GPHN: variants seen among roughly 807,000 people sequenced by gnomAD.
GPHN encodes gephyrin.
GPHN carries 17 observed loss-of-function variants against 95.5 expected under a neutral mutation model. The observed-to-expected ratio is 0.18, with a 90% CI of 0.12 to 0.27. The LOEUF is 0.27. Ranked by LOEUF, GPHN falls within the 10% of genes least tolerant of loss-of-function variation. The probability of loss-of-function intolerance (pLI) is 1.00; values close to 1 mark genes in which losing one functional copy is unlikely to be tolerated. For missense variants in GPHN, 660 were observed against 978.1 expected (o/e 0.67, Z 4.34); for synonymous variants, 320 against 322.5 (o/e 0.99, Z 0.08).
At chr14:66,739,868 G>A (rs1408950192) in intron 2 of GPHN, among the ~76,000 whole-genome samples, 1 of 151,608 alleles carries the variant, frequency 6.6e-6, no homozygotes, top group Non-Finnish European at 1.5e-5. Context: ...AAACTAAAAA[G>A]CAAAAGCCTA....
the GPHN span, chr14:67,574,162 C>A: frequency 7.6e-7 from 1 of 1,309,280 alleles, no homozygotes; most frequent in South Asian, 1.5e-5. The surrounding 1 kb of genome is among the most constrained non-coding windows in gnomAD (Gnocchi z 4.2). Context: ...GGTTCAGGGA[C>A]AGGTGCCACC....
chr14:66,723,738 T>C (rs983714132), intron 2 of GPHN, among the ~76,000 whole-genome samples: 1 of 152,190 alleles, frequency 6.6e-6, no homozygotes, highest in Non-Finnish European at 1.5e-5. Flanking sequence ...TTATGTTTAA[T>C]GCTGACAACT....
At chr14:67,118,930 A>G (rs2078856536) in intron 16 of GPHN, among the ~76,000 whole-genome samples, 1 of 152,214 alleles carries the variant, frequency 6.6e-6, no homozygotes, top group South Asian at 2.1e-4. Context: ...ACAGAGTCTC[A>G]GTGGTGTTTC....
At chr14:66,919,747 G>T (rs192410453) in intron 6 of GPHN, among the ~76,000 whole-genome samples, 21 of 152,104 alleles carry the variant, frequency 1.4e-4, no homozygotes, top group Non-Finnish European at 2.5e-4. Context: ...GCCCCCAGTT[G>T]CTTCTCTCTA....
chr14:67,620,122 T>A, the GPHN span: 1 of 1,476,882 alleles, frequency 6.8e-7, no homozygotes, highest in South Asian at 1.2e-5. Context: ...CCGGGCAGGA[T>A]CCTCCGCCCC....
the GPHN span, chr14:67,646,872 T>TA: frequency 2.8e-5 from 41 of 1,443,442 alleles, no homozygotes; most frequent in Non-Finnish European, 3.6e-5. Flanking sequence ...ACATATTTGT[T>TA]AAAAATGCTC....
the GPHN span, among the ~76,000 whole-genome samples, chr14:67,424,735 C>T: frequency 6.6e-6 from 1 of 151,970 alleles, no homozygotes; most frequent in Non-Finnish European, 1.5e-5. Flanking sequence ...CCTGCTGAGA[C>T]TTCCACTGGG....
At chr14:67,042,880 A>G (rs1046440009) in intron 10 of GPHN, among the ~76,000 whole-genome samples, 3 of 152,160 alleles carry the variant, frequency 2.0e-5, no homozygotes, top group Non-Finnish European at 4.4e-5. Context: ...TGTTTTTTCC[A>G]TATGTTTGTG....
chr14:67,474,192 G>C, the GPHN span, among the ~76,000 whole-genome samples: 2 of 151,794 alleles, frequency 1.3e-5, no homozygotes, highest in Non-Finnish European at 2.9e-5. Flanking sequence ...GCAGAGGTTG[G>C]AGTGAGCCAA....
intron 6 of GPHN, among the ~76,000 whole-genome samples, chr14:66,919,552 G>A (rs1379262543): frequency 1.3e-5 from 2 of 152,122 alleles, no homozygotes; most frequent in Non-Finnish European, 2.9e-5. Flanking sequence ...ATAAATTCAA[G>A]ATTTCACACA....
the GPHN span, among the ~76,000 whole-genome samples, chr14:67,268,729 T>A: frequency 6.6e-6 from 1 of 152,190 alleles, no homozygotes; most frequent in Non-Finnish European, 1.5e-5. Context: ...TTGCCTCGCT[T>A]CTTTACCCCA....
At chr14:66,972,084 A>G (rs560195702) in intron 9 of GPHN, among the ~76,000 whole-genome samples, 2 of 151,986 alleles carry the variant, frequency 1.3e-5, no homozygotes, top group South Asian at 2.1e-4. Flanking sequence ...CCTGGCCAAC[A>G]TGGTAAAACC....
At chr14:67,265,298 C>CT in the GPHN span, among the ~76,000 whole-genome samples, 3 of 152,118 alleles carry the variant, frequency 2.0e-5, no homozygotes, top group Admixed American at 6.6e-5. Flanking sequence ...TGACTCATGC[C>CT]TGTAATCTCA....
At chr14:67,429,020 A>G in the GPHN span, among the ~76,000 whole-genome samples, 2 of 152,212 alleles carry the variant, frequency 1.3e-5, no homozygotes, top group Non-Finnish European at 2.9e-5. Context: ...GTTAGAAGGA[A>G]TGTGAAGGCT....
the GPHN span, among the ~76,000 whole-genome samples, chr14:67,483,936 T>A: frequency 2.0e-5 from 3 of 152,158 alleles, no homozygotes; most frequent in African/African-American, 7.2e-5. Context: ...GCTTGGGGGA[T>A]GGAGTCAGTT....
At chr14:67,531,273 T>C in the GPHN span, among the ~76,000 whole-genome samples, 16 of 152,222 alleles carry the variant, frequency 1.1e-4, no homozygotes, top group East Asian at 2.9e-3. Flanking sequence ...AGCAAGATCT[T>C]ATCTCTTAAA....
the GPHN span, among the ~76,000 whole-genome samples, chr14:67,598,259 G>A: frequency 5.8e-3 from 888 of 152,290 alleles, 9 homozygotes; most frequent in African/African-American, 0.02. Flanking sequence ...GGAAGATGCG[G>A]TCACTGATTC....
intron 17 of GPHN, among the ~76,000 whole-genome samples, chr14:67,126,031 T>G (rs141075768): frequency 1.3e-5 from 2 of 152,298 alleles, no homozygotes; most frequent in East Asian, 3.9e-4. Flanking sequence ...ACCTTTTATT[T>G]TAAAAGGTTA....
At chr14:67,509,057 C>A in the GPHN span, among the ~76,000 whole-genome samples, 1 of 151,964 alleles carries the variant, frequency 6.6e-6, no homozygotes, top group African/African-American at 2.4e-5. Flanking sequence ...GGCAGTAGGA[C>A]AACAGAAATA....
Sources: gnomAD v4.1 joint callset for allele counts (sites outside exome capture counted in the v4.1 genomes callset) on GRCh38, gnomAD v4.1.1 for gene constraint, Gnocchi (gnomAD v3.1) non-coding constraint, MANE v1.5 for transcripts, NCBI Gene and HGNC (gene_info 2026-07-23, HGNC 2026-07-21) for gene names.